The following NBPF9 variants were observed in gnomAD, a reference collection of about 807,000 sequenced individuals.
The protein encoded by NBPF9 is NBPF family member NBPF9.
Under a neutral mutation model 97.8 loss-of-function variants are expected in NBPF9, and 91 were observed. That is an observed-to-expected ratio of 0.93 (90% CI 0.79 to 1.11). The LOEUF (loss-of-function observed/expected upper bound fraction) is 1.11. NBPF9 is among the 50% of genes least tolerant of loss of function. The pLI, the probability that NBPF9 is intolerant of heterozygous loss-of-function variation, is 0.00. For missense variants in NBPF9, 992 were observed against 939.5 expected (o/e 1.06, Z -0.73); for synonymous variants, 334 against 359.5 (o/e 0.93, Z 0.80).
chr1:149,090,679 T>C (rs2081357563), intron 5 of NBPF9, 74 bp downstream of exon 5: 3 of 557,410 alleles, frequency 5.4e-6, no homozygotes, highest in Non-Finnish European at 9.6e-6. Flanking sequence ...GAGAGAAAAA[T>C]AAAGGACCCA....
intron 20 of NBPF9, 57 bp downstream of exon 20, chr1:149,063,576 A>G (rs2078787027): frequency 1.6e-6 from 1 of 615,886 alleles, no homozygotes; most frequent in Non-Finnish European, 2.8e-6. Context: ...CAGTAGGAAT[A>G]TGACCCTAAC....
exon 14 of NBPF9, chr1:149,072,799 T>G (rs782034046): frequency 1.3e-6 from 2 of 1,581,384 alleles, no homozygotes; most frequent in African/African-American, 2.7e-5. Context: ...CCCTGGGACT[T>G]GTCCGGCTCA....
Position 149,101,005 on chromosome 1 carries a change from C to T in NBPF9, c.-606+257G>A, listed in dbSNP as rs1458819127. 2.1e-3 allele frequency among the ~76,000 whole-genome samples: 310 copies of T among 150,954 alleles called. 1 individual carries two copies. Among genetic ancestry groups the T allele is most frequent in the East Asian group, 0.018 (93 of 5,108 alleles). ...GTTAACACAGAAAAATGTGTTCATA[C>T]TCCTAGGTTAGGCATTGATTTCTTA... On this transcript the variant is annotated intron_variant, in intron 3 of 29. Coordinates refer to ENST00000584027, the Ensembl canonical transcript of NBPF9.
chr1:149,070,752 T>C (rs2079339896), intron 16 of NBPF9, among the ~76,000 whole-genome samples, 182 bp downstream of exon 16: 1 of 152,076 alleles, frequency 6.6e-6, no homozygotes, highest in Non-Finnish European at 1.5e-5. Context: ...AGTAACTTGA[T>C]ACTGGGGACT....
intron 14 of NBPF9, 88 bp from the exon 15 acceptor site, chr1:149,071,764 T>A: frequency 1.3e-6 from 1 of 748,336 alleles, no homozygotes; most frequent in Non-Finnish European, 2.2e-6. Flanking sequence ...GACATGAACA[T>A]CTAGGCATGG....
intron 4 of NBPF9, among the ~76,000 whole-genome samples, chr1:149,095,762 A>G (rs2081718845): frequency 6.6e-6 from 1 of 152,092 alleles, no homozygotes; most frequent in South Asian, 2.1e-4. Context: ...ATATCACTGT[A>G]AACCTATCAG....
chr1:149,069,725 C>G (rs2079256633), intron 16 of NBPF9, 80 bp from the exon 17 acceptor site: 3 of 911,378 alleles, frequency 3.3e-6, no homozygotes, highest in South Asian at 1.3e-5. Flanking sequence ...CAGTCATAGC[C>G]AAGGACATAA....
intron 25 of NBPF9, 38 bp from the exon 26 acceptor site, chr1:149,059,135 G>A: frequency 4.8e-6 from 2 of 413,358 alleles, no homozygotes; most frequent in Admixed American, 4.3e-5. Flanking sequence ...AAGCCAGGGG[G>A]AATCAGAAAC....
intron 10 of NBPF9, 21 bp downstream of exon 10, chr1:149,077,862 C>A: frequency 1.3e-6 from 2 of 1,585,078 alleles, no homozygotes; most frequent in Non-Finnish European, 1.7e-6. Context: ...CCATTACTTG[C>A]TCCTGAGTAT....
In NBPF9 at chr1:149,064,501, G is replaced by A. The variant is rs782466833; in HGVS notation, c.1802-19C>T. On this transcript the variant is annotated intron_variant, in intron 18 of 29. Transcript: ENST00000584027. ...CGATGTCCTGCAAATAAATTCAGATGGGCCCTCTTACATTAAGCAGTCCTT... is the reference window on the plus strand; with the variant it reads ...CGATGTCCTGCAAATAAATTCAGATAGGCCCTCTTACATTAAGCAGTCCTT... The A allele has an allele frequency of 6.0e-6, 9 of 1,510,192 alleles. No individual in the cohort carries two copies. Among genetic ancestry groups the A allele is most frequent in the African/African-American group, 4.4e-5 (3 of 68,854 alleles). The allele number at this position is 1,510,192 out of a possible 1,614,324, so 93.5% of individuals were successfully genotyped here.
At chr1:149,060,726 C>G in intron 23 of NBPF9, 31 bp from the exon 24 acceptor site, 1 of 353,760 alleles carries the variant, frequency 2.8e-6, no homozygotes, top group Non-Finnish European at 4.9e-6. Context: ...AAAGAATAAG[C>G]CAGGGGAAAT....
chr1:149,082,195 C>CAT (rs782654820), intron 6 of NBPF9, 21 bp from the exon 7 acceptor site: 1 of 1,602,702 alleles, frequency 6.2e-7, no homozygotes, highest in Non-Finnish European at 8.5e-7. Context: ...GAAACCCAAA[C>CAT]ATATGATGGG....
chr1:149,095,364 G>A (rs2081676750), intron 4 of NBPF9, among the ~76,000 whole-genome samples: 1 of 131,724 alleles, frequency 7.6e-6, no homozygotes, highest in South Asian at 2.3e-4. Flanking sequence ...AGAATCCTAA[G>A]AGATAAAATA....
chr1:149,085,886 C>A (rs1225123499), intron 5 of NBPF9, among the ~76,000 whole-genome samples: 6 of 151,724 alleles, frequency 4.0e-5, no homozygotes, highest in African/African-American at 1.5e-4. Flanking sequence ...TTCCCTATGC[C>A]CCAAAGTTTC....
chr1:149,084,277 T>TAA (rs1553657790), intron 5 of NBPF9, among the ~76,000 whole-genome samples: 13 of 146,958 alleles, frequency 8.8e-5, no homozygotes, highest in African/African-American at 3.2e-4. Flanking sequence ...TGTATATATA[T>TAA]TATATATACA....
At chr1:149,067,267 A>G (rs1314986726) in intron 17 of NBPF9, among the ~76,000 whole-genome samples, 3 of 121,902 alleles carry the variant, frequency 2.5e-5, no homozygotes, top group Non-Finnish European at 5.2e-5. Flanking sequence ...TTTTTTCCAT[A>G]TGTATAGTTT....
chr1:149,099,716 G>A (rs2082020605), intron 3 of NBPF9, among the ~76,000 whole-genome samples: 1 of 152,096 alleles, frequency 6.6e-6, no homozygotes, highest in Admixed American at 6.5e-5. Context: ...CAGCGGTGAT[G>A]GCTTATGCCT....
intron 21 of NBPF9, 118 bp downstream of exon 21, chr1:149,062,744 A>G (rs1310329981): frequency 5.2e-6 from 4 of 767,916 alleles, no homozygotes; most frequent in Non-Finnish European, 9.5e-6. Context: ...CAGCAATGGC[A>G]GTAGGAGTAA....
At chr1:149,054,500 C>T (rs1268877836) in exon 30 of NBPF9, 3 of 122,632 alleles carry the variant, frequency 2.4e-5, no homozygotes, top group South Asian at 7.0e-4. Flanking sequence ...GATGGACAAA[C>T]TAGACCTTCT....
Sources: gnomAD v4.1 joint callset for allele counts (sites outside exome capture counted in the v4.1 genomes callset) on GRCh38, gnomAD v4.1.1 for gene constraint, MANE v1.5 for transcripts, NCBI Gene and HGNC (gene_info 2026-07-23, HGNC 2026-07-21) for gene names.